JAKMIP1: variants seen among roughly 807,000 people sequenced by gnomAD.
JAKMIP1 encodes the protein janus kinase and microtubule interacting protein 1.
A neutral mutation model predicts 113.0 loss-of-function variants in JAKMIP1; 33 were observed. The ratio of observed to expected loss-of-function variants is 0.29; its 90% CI spans 0.22 to 0.39. The LOEUF (loss-of-function observed/expected upper bound fraction) is 0.39. JAKMIP1 is among the 10% of genes least tolerant of loss of function. JAKMIP1 has a pLI of 1.00. For synonymous variants in JAKMIP1, 480 were observed against 459.9 expected (o/e 1.04, Z -0.56); for missense variants, 813 against 1,080.5 (o/e 0.75, Z 3.47).
At position 6,048,938 on chromosome 4, in the gene JAKMIP1, G is replaced by A; in HGVS notation, c.1963-16C>T. On this transcript the variant is annotated splice_polypyrimidine_tract_variant and intron_variant, in intron 15 of 20. Coordinates refer to ENST00000409021, the MANE Select transcript of JAKMIP1 (RefSeq NM_001099433.2). ...TTCTCAAATTCTAAAACACAAAAAT[G>A]GGCAAGGGCATTTGACACTGGATCC... The A allele has an allele frequency of 1.2e-6, 2 of 1,611,206 alleles. No homozygotes were observed. Among genetic ancestry groups the A allele is most frequent in the Non-Finnish European group, 1.7e-6 (2 of 1,177,486 alleles).
At chr4:6,052,952 C>A (rs1022147203) in intron 13 of JAKMIP1, among the ~76,000 whole-genome samples, 1 of 152,174 alleles carries the variant, frequency 6.6e-6, no homozygotes, top group African/African-American at 2.4e-5. Flanking sequence ...AAGGTACACA[C>A]GGTCAGTTCT....
At position 6,187,710 on chromosome 4, in the gene JAKMIP1, T is replaced by C. The variant is rs1726800160; in HGVS notation, c.-148+12543A>G. 1.3e-5 allele frequency among the ~76,000 whole-genome samples: 2 copies of C among 152,262 alleles called. No homozygotes were observed. The highest frequency in any genetic ancestry group is 4.8e-5 in the African/African-American group (2 of 41,470). ...CTGTGAGAAATAAATTTCTATTGTT[T>C]ATAAGCTATCCAGTCTAAGGTGTTT... is the stretch of plus-strand genomic sequence containing the variant. On this transcript the variant is annotated intron_variant, in intron 1 of 20. Coordinates refer to ENST00000409021, the MANE Select transcript of JAKMIP1 (RefSeq NM_001099433.2). The surrounding 1 kb of genome is among the most constrained non-coding windows in gnomAD (Gnocchi z 4.2).
chr4:6,198,854 C>A (rs1424213499), intron 1 of JAKMIP1, among the ~76,000 whole-genome samples: 2 of 152,238 alleles, frequency 1.3e-5, no homozygotes, highest in African/African-American at 2.4e-5. Flanking sequence ...AGGGCCAGCT[C>A]CTCCCATGGC....
At chr4:6,169,505 C>T (rs1299566939) in intron 1 of JAKMIP1, among the ~76,000 whole-genome samples, 1 of 152,114 alleles carries the variant, frequency 6.6e-6, no homozygotes, top group Non-Finnish European at 1.5e-5. Context: ...GCCCTGCCCA[C>T]ACCTTCATCT....
At chr4:6,082,378 C>T (rs1317842440) in intron 5 of JAKMIP1, among the ~76,000 whole-genome samples, 1 of 151,624 alleles carries the variant, frequency 6.6e-6, no homozygotes, top group East Asian at 2.0e-4. Flanking sequence ...TACCGCCCCC[C>T]CAAAAAAATG....
chr4:6,036,453 A>G (rs1206926286), intron 18 of JAKMIP1, among the ~76,000 whole-genome samples: 1 of 152,210 alleles, frequency 6.6e-6, no homozygotes, highest in African/African-American at 2.4e-5. Flanking sequence ...TTGGTTTCCA[A>G]TTGGCTCTCC....
In JAKMIP1 at chr4:6,197,627, G is replaced by A. The variant is rs1346734005; in HGVS notation, c.-148+2626C>T. Among the ~76,000 whole-genome samples the A allele has an allele frequency of 2.0e-5, 3 of 152,214 alleles. No homozygotes were observed. The highest frequency in any genetic ancestry group is 4.4e-5 in the Non-Finnish European group (3 of 68,032). ...TGATCCCGTCGCCACTATGGGGAGA[G>A]GAGTGACCCAGCAGAACTGGGACAC... On this transcript the variant is annotated intron_variant, in intron 1 of 20. Coordinates refer to ENST00000409021, the MANE Select transcript of JAKMIP1 (RefSeq NM_001099433.2). This position sits in a 1 kb window ranked among gnomAD's most constrained non-coding sequence, Gnocchi z 6.5.
Position 6,078,853 on chromosome 4 carries a change from T to G in JAKMIP1, c.1302+86A>C, listed in dbSNP as rs1401576227. On this transcript the variant is annotated intron_variant, in intron 8 of 20. Coordinates refer to ENST00000409021, the MANE Select transcript of JAKMIP1 (RefSeq NM_001099433.2). ...GTGTGTCTGCTTCAGGACCCCTCTG[T>G]AAAACCTCCCCACTCCACGACCCAT... 9 of 1,361,804 alleles carry G rather than the reference T, an allele frequency of 6.6e-6. No homozygotes were observed. In the African/African-American group the frequency reaches 1.1e-4, roughly 17 times the overall value. 84.4% of individuals were successfully genotyped at this position (1,361,804 alleles called of 1,614,324 possible). A position where few individuals can be genotyped will look rare whatever the true frequency, so the allele number is the denominator to read the frequency against.
chr4:6,043,170 C>A (rs1219570440), intron 16 of JAKMIP1, among the ~76,000 whole-genome samples: 2 of 152,020 alleles, frequency 1.3e-5, no homozygotes, highest in African/African-American at 2.4e-5. Context: ...CCTCCCACTG[C>A]CAGGCCCCAG....
intron 1 of JAKMIP1, among the ~76,000 whole-genome samples, chr4:6,149,671 T>C (rs930611770): frequency 8.8e-6 from 1 of 113,828 alleles, no homozygotes; most frequent in Non-Finnish European, 1.9e-5. Context: ...GTCCAAAGTA[T>C]ATCAAGTTCC....
chr4:6,091,334 G>A (rs143972974), intron 3 of JAKMIP1, among the ~76,000 whole-genome samples: 17 of 152,306 alleles, frequency 1.1e-4, no homozygotes, highest in East Asian at 5.8e-4. Flanking sequence ...AGCTCAAACC[G>A]TCTCTTGTGC....
rs1266345827 is a variant in JAKMIP1 at position 6,026,214 on chromosome 4, G to C, written c.*14C>G. 6.5e-7 allele frequency: 1 copy of C among 1,548,062 alleles called. No homozygotes were observed. The highest frequency in any genetic ancestry group is 8.7e-7 in the Non-Finnish European group (1 of 1,145,810). ...GAAAGGATACCAACCCGAGTTCTTG[G>C]CTCACTGAAGTCATCAAGGCCACAG... On this transcript the variant is annotated 3_prime_UTR_variant, in exon 21 of 21. Transcript: ENST00000409021.
chr4:6,029,303 C>T (rs540869855), intron 20 of JAKMIP1, among the ~76,000 whole-genome samples: 8 of 152,360 alleles, frequency 5.3e-5, no homozygotes, highest in Admixed American at 5.2e-4. Context: ...CTTCCAGGAA[C>T]ATGCGACTGG....
At chr4:6,036,396 T>C (rs1713443515) in intron 18 of JAKMIP1, among the ~76,000 whole-genome samples, 1 of 152,238 alleles carries the variant, frequency 6.6e-6, no homozygotes, top group Admixed American at 6.5e-5. Flanking sequence ...TCCCTTAAGA[T>C]GCATGACTCA....
In JAKMIP1 at chr4:6,081,834, ACT is replaced by A. The variant is rs1720601324; in HGVS notation, c.955-81_955-80del. On this transcript the variant is annotated intron_variant, in intron 5 of 20. Transcript: ENST00000409021. This position sits in a 1 kb window ranked among gnomAD's most constrained non-coding sequence, Gnocchi z 4.6. ...GGTCACAGCACCGAGGTGAGCAGAG[ACT>A]CAACCCAGTTAGGACCCCTTCTGAG... The A allele has an allele frequency of 6.4e-7, 1 of 1,559,890 alleles. No homozygotes were observed. The highest frequency in any genetic ancestry group is 8.8e-7 in the Non-Finnish European group (1 of 1,141,002).
chr4:6,100,233 C>T (rs1712775058), intron 3 of JAKMIP1, among the ~76,000 whole-genome samples: 1 of 152,208 alleles, frequency 6.6e-6, no homozygotes, highest in African/African-American at 2.4e-5. Context: ...CACTCATTTA[C>T]AGCTAATCTC....
chr4:6,067,649 A>G lies in JAKMIP1; in HGVS notation c.1303-2641T>C, dbSNP rs58547314. On this transcript the variant is annotated intron_variant, in intron 8 of 20. Coordinates refer to ENST00000409021, the MANE Select transcript of JAKMIP1 (RefSeq NM_001099433.2). The surrounding 1 kb of genome is among the most constrained non-coding windows in gnomAD (Gnocchi z 4.6). ...GGTTCACTCAAGCTCTTCTGCACACACACACACAGGTCACCCCCTGAGCTC... is the reference window on the plus strand; with the variant it reads ...GGTTCACTCAAGCTCTTCTGCACACGCACACACAGGTCACCCCCTGAGCTC... Among the ~76,000 whole-genome samples the G allele has an allele frequency of 0.045, 4,650 of 103,836 alleles. 132 individuals are homozygous for G. The highest frequency in any genetic ancestry group is 0.12 in the Middle Eastern group (20 of 164). 68.1% of individuals were successfully genotyped at this position (103,836 alleles called of 152,430 possible).
chr4:6,100,916 A>T (rs540349414), intron 3 of JAKMIP1, among the ~76,000 whole-genome samples: 1 of 152,196 alleles, frequency 6.6e-6, no homozygotes, highest in Admixed American at 6.5e-5. Flanking sequence ...GAGTTTTCAT[A>T]TTATTTTATA....
At position 6,186,425 on chromosome 4, in the gene JAKMIP1, G is replaced by A. The variant is rs2109050550; in HGVS notation, c.-148+13828C>T. ...GATGAGACAGGAAGGGAAAAGTGGG[G>A]GCCTCTGGTGTCTGGCTGGCAAGAA... On this transcript the variant is annotated intron_variant, in intron 1 of 20. Coordinates refer to ENST00000409021, the MANE Select transcript of JAKMIP1 (RefSeq NM_001099433.2). This position sits in a 1 kb window ranked among gnomAD's most constrained non-coding sequence, Gnocchi z 5.5. Among the ~76,000 whole-genome samples the A allele has an allele frequency of 6.6e-6, 1 of 152,298 alleles. No individual in the cohort carries two copies. The highest frequency in any genetic ancestry group is 1.5e-5 in the Non-Finnish European group (1 of 68,040).
Sources: gnomAD v4.1 joint callset for allele counts (sites outside exome capture counted in the v4.1 genomes callset) on GRCh38, gnomAD v4.1.1 for gene constraint, Gnocchi (gnomAD v3.1) non-coding constraint, MANE v1.5 for transcripts, NCBI Gene and HGNC (gene_info 2026-07-23, HGNC 2026-07-21) for gene names.